Variants in VWF observed in about 807,000 individuals in gnomAD.
The protein encoded by VWF is von Willebrand factor, also known as Factor VIII related antigen.
Under a neutral mutation model 308.6 loss-of-function variants are expected in VWF, and 176 were observed. That is an observed-to-expected ratio of 0.57 (90% CI 0.50 to 0.65). The LOEUF is 0.65. VWF is among the 30% of genes least tolerant of loss of function. The pLI, the probability that VWF is intolerant of heterozygous loss-of-function variation, is 0.00. For synonymous variants in VWF, 1,385 were observed against 1,443.4 expected (o/e 0.96, Z 0.92); for missense variants, 3,146 against 3,648.2 (o/e 0.86, Z 3.55).
intron 42 of VWF, among the ~76,000 whole-genome samples, chr12:5,979,718 C>A (rs554109229): frequency 1.1e-4 from 16 of 150,676 alleles, no homozygotes; most frequent in Non-Finnish European, 2.1e-4. Flanking sequence ...CCACTGCACT[C>A]CAACCTGGCC....
At chr12:6,114,847 T>A (rs1453408427) in intron 3 of VWF, among the ~76,000 whole-genome samples, 1 of 151,884 alleles carries the variant, frequency 6.6e-6, no homozygotes, top group African/African-American at 2.4e-5. Flanking sequence ...ATGATTCAGG[T>A]TCTGGTAACC....
intron 3 of VWF, among the ~76,000 whole-genome samples, chr12:6,113,474 T>C (rs1945333254): frequency 6.6e-6 from 1 of 152,068 alleles, no homozygotes; most frequent in African/African-American, 2.4e-5. Flanking sequence ...ATTTGTTGTA[T>C]TTTTAGTACA....
At chr12:6,084,795 T>G (rs1944950261) in intron 6 of VWF, among the ~76,000 whole-genome samples, 1 of 152,056 alleles carries the variant, frequency 6.6e-6, no homozygotes, top group Non-Finnish European at 1.5e-5. Context: ...GCCTGGAGTC[T>G]GAGCTGCTCC....
At chr12:6,010,844 G>A (rs370795772) in intron 34 of VWF, among the ~76,000 whole-genome samples, 10 of 152,262 alleles carry the variant, frequency 6.6e-5, no homozygotes, top group Admixed American at 2.6e-4. Context: ...TGATTATTAC[G>A]CAAGAGTGGG....
chr12:6,057,728 C>A (rs1162820788), intron 14 of VWF, 121 bp downstream of exon 14: 1 of 1,207,666 alleles, frequency 8.3e-7, no homozygotes, highest in South Asian at 1.6e-5. Context: ...AAAGCCCGAC[C>A]CCTTTCCTCG....
chr12:5,972,898 A>G (rs1044651774), intron 43 of VWF, among the ~76,000 whole-genome samples: 2 of 152,228 alleles, frequency 1.3e-5, no homozygotes, highest in East Asian at 3.8e-4. Context: ...GACTCAAAGA[A>G]CACAGAAGAC....
intron 34 of VWF, among the ~76,000 whole-genome samples, chr12:6,001,142 C>T (rs1943869167): frequency 6.6e-6 from 1 of 151,968 alleles, no homozygotes; most frequent in African/African-American, 2.4e-5. Flanking sequence ...AAAATATGGG[C>T]CTGAAGGCAT....
At chr12:6,092,618 AGTGTGTGTGTGTGTGTGTGTGTGT>A (rs752209524) in intron 6 of VWF, among the ~76,000 whole-genome samples, 47 of 66,218 alleles carry the variant, frequency 7.1e-4, no homozygotes, top group African/African-American at 2.3e-3. Context: ...AGTGAGTGAG[AGTGTGTGTGTGTGTGTGTGTGTGT>A]GTGTGTGTGT....
At chr12:6,069,088 C>G (rs1305959078) in intron 10 of VWF, among the ~76,000 whole-genome samples, 1 of 151,588 alleles carries the variant, frequency 6.6e-6, no homozygotes, top group African/African-American at 2.4e-5. Flanking sequence ...AACCCCTGGG[C>G]TCAAGCGCTC....
rs1944171899 is a variant in VWF, at chr12:6,024,840, T to C, written c.3222+740A>G. 2.6e-5 allele frequency among the ~76,000 whole-genome samples: 4 copies of C among 152,126 alleles called. No individual in the cohort carries two copies. Among genetic ancestry groups the C allele is most frequent in the African/African-American group, 2.4e-5 (1 of 41,436 alleles). ...GAGTTCAAGGCCAGCCTGACCAACA[T>C]GGTGAAACCTTGACTCTACTAAAAA... is the stretch of plus-strand genomic sequence containing the variant. On this transcript the variant is annotated intron_variant, in intron 24 of 51. Transcript: ENST00000261405. The surrounding 1 kb of genome is among the most constrained non-coding windows in gnomAD (Gnocchi z 4.0).
chr12:5,958,886 G>T (rs978224033), intron 47 of VWF, among the ~76,000 whole-genome samples: 1 of 152,042 alleles, frequency 6.6e-6, no homozygotes, highest in Non-Finnish European at 1.5e-5. Flanking sequence ...GCTTAGATAG[G>T]ACTAGAGACA....
In VWF at chr12:6,057,839, G is replaced by C; in HGVS notation, c.1729+10C>G. On this transcript the variant is annotated intron_variant, in intron 14 of 51. Coordinates refer to ENST00000261405, the MANE Select transcript of VWF (RefSeq NM_000552.5). The stretch of plus-strand genomic sequence containing the variant: ...TGCGAGGTCCCTGCCTTGCCCCCGG[G>C]TTCACATACTCATGCGCGGGTTGAG... The C allele has an allele frequency of 1.2e-6, 2 of 1,600,640 alleles. No homozygotes were observed. Among genetic ancestry groups the C allele is most frequent in the Non-Finnish European group, 1.7e-6 (2 of 1,173,108 alleles).
At chr12:6,104,463 G>A (rs1394755064) in intron 5 of VWF, among the ~76,000 whole-genome samples, 4 of 151,672 alleles carry the variant, frequency 2.6e-5, no homozygotes, top group East Asian at 1.9e-4. Context: ...TGAGGCGGGC[G>A]TATCACGAGG....
Position 6,046,196 on chromosome 12 carries a change from C to A in VWF, c.2281+527G>T, listed in dbSNP as rs1205569561. Among the ~76,000 whole-genome samples the A allele has an allele frequency of 1.3e-5, 2 of 152,182 alleles. No homozygotes were observed. The highest frequency in any genetic ancestry group is 4.8e-5 in the African/African-American group (2 of 41,432). ...CTGAGATTGCACCACTGCACTCCAACCTGGGTGACAGAGTGAGACTCTCAA... is the reference window on the plus strand; with the variant it reads ...CTGAGATTGCACCACTGCACTCCAAACTGGGTGACAGAGTGAGACTCTCAA... On this transcript the variant is annotated intron_variant, in intron 17 of 51. Transcript: ENST00000261405. The surrounding 1 kb of genome is among the most constrained non-coding windows in gnomAD (Gnocchi z 5.0).
intron 47 of VWF, among the ~76,000 whole-genome samples, chr12:5,956,411 G>A (rs953091286): frequency 2.6e-5 from 4 of 152,194 alleles, no homozygotes; most frequent in African/African-American, 7.2e-5. Context: ...GGAACAAGAT[G>A]TGGAGGCAGA....
rs202011784 is a variant in VWF, at chr12:6,071,369, A to T, written c.1110-26T>A. ...CTGTTGGAGGGAAAAAGCACAGGTC[A>T]TTGGTGGTTCTGCAAACACAAGGGT... On this transcript the variant is annotated intron_variant, in intron 9 of 51. Coordinates refer to ENST00000261405, the MANE Select transcript of VWF (RefSeq NM_000552.5). 1,513 of 1,614,008 alleles carry T rather than the reference A, an allele frequency of 9.4e-4. 1 individual carries two copies. Among genetic ancestry groups the T allele is most frequent in the African/African-American group, 9.2e-3 (690 of 75,050 alleles).
At chr12:6,100,025 T>A (rs2136506185) in intron 5 of VWF, among the ~76,000 whole-genome samples, 1 of 151,500 alleles carries the variant, frequency 6.6e-6, no homozygotes, top group East Asian at 1.9e-4. Flanking sequence ...GAATCTACAA[T>A]GAACTCAAAC....
In VWF at chr12:6,012,451, AGATCCTG is replaced by A. The variant is rs1247097477; in HGVS notation, c.5621-328_5621-322del. ...ATGGGGAAGGTGGGGAGATGAAGCAAGATCCTGGAAACCTGAAAGAGATCTACTTGAA... is the reference window on the plus strand; with the variant it reads ...ATGGGGAAGGTGGGGAGATGAAGCAAGAAACCTGAAAGAGATCTACTTGAA... On this transcript the variant is annotated intron_variant, in intron 32 of 51. Coordinates refer to ENST00000261405, the MANE Select transcript of VWF (RefSeq NM_000552.5). 2.6e-5 allele frequency among the ~76,000 whole-genome samples: 4 copies of A among 152,370 alleles called. No homozygotes were observed. The East Asian group carries it at 7.7e-4, about 29-fold the overall frequency.
At chr12:5,989,380 A>C (rs1943712784) in intron 38 of VWF, among the ~76,000 whole-genome samples, 1 of 152,160 alleles carries the variant, frequency 6.6e-6, no homozygotes, top group Non-Finnish European at 1.5e-5. Flanking sequence ...AAGTTTCTTT[A>C]ATGGAAATGT....
Sources: allele counts gnomAD v4.1 joint callset (sites outside exome capture counted in the v4.1 genomes callset), GRCh38; gene constraint gnomAD v4.1.1; non-coding constraint Gnocchi (gnomAD v3.1); transcripts MANE v1.5; gene names NCBI Gene and HGNC (gene_info 2026-07-23, HGNC 2026-07-21).